Variants in ERG observed in about 807,000 individuals in gnomAD.
ERG encodes the protein ETS transcription factor ERG.
Under a neutral mutation model 55.3 loss-of-function variants are expected in ERG, and 9 were observed. The ratio of observed to expected loss-of-function variants is 0.16; its 90% CI spans 0.10 to 0.28. ERG has a LOEUF of 0.28. ERG is among the 10% of genes least tolerant of loss of function. The probability of loss-of-function intolerance (pLI) is 1.00; values close to 1 mark genes in which losing one functional copy is unlikely to be tolerated. For synonymous variants in ERG, 223 were observed against 237.3 expected (o/e 0.94, Z 0.55); for missense variants, 434 against 631.6 (o/e 0.69, Z 3.35).
rs71330332 is a variant in ERG at position 38,518,236 on chromosome 21, GTATCTATCTATCTATCTATCTATC to G, written c.-41+57402_-41+57425del. Among the ~76,000 whole-genome samples, 26 of 145,474 alleles carry G rather than the reference GTATCTATCTATCTATCTATCTATC, an allele frequency of 1.8e-4. 1 individual carries two copies. Among genetic ancestry groups the G allele is most frequent in the Admixed American group, 2.8e-4 (4 of 14,412 alleles). On this transcript the variant is annotated intron_variant, in intron 2 of 8. Coordinates refer to the ERG transcript ENST00000398897. ...GTACCCCATAACTATGTGTGTGTGT[GTATCTATCTATCTATCTATCTATC>G]TATCTATCTATCTATCTATCTATCT...
At chr21:38,379,121 A>C (rs1034524228), downstream of ERG, among the ~76,000 whole-genome samples, 10 of 152,156 alleles carry the variant, frequency 6.6e-5, no homozygotes, top group Non-Finnish European at 1.5e-4. Flanking sequence ...TGGAGGTCCT[A>C]ACACCTTCAA....
intron 1 of ERG, among the ~76,000 whole-genome samples, chr21:38,653,356 G>T (rs1279046853): frequency 6.6e-6 from 1 of 152,118 alleles, no homozygotes; most frequent in Non-Finnish European, 1.5e-5. Context: ...CCAGGATCCG[G>T]AGCACCCCCT....
intron 2 of ERG, among the ~76,000 whole-genome samples, chr21:38,529,277 G>A (rs537923164): frequency 3.2e-4 from 48 of 152,302 alleles, no homozygotes; most frequent in African/African-American, 9.9e-4. Context: ...GCCAAGAGGA[G>A]AGGCAGGGAG....
chr21:38,477,043 C>T lies in ERG; in HGVS notation c.18+21320G>A, dbSNP rs9984495. On this transcript the variant is annotated intron_variant, in intron 1 of 9. Transcript: ENST00000288319. ...TTTTTTTTTTTTTGAGACAGAGTCTCACTCTGTCGCCCAGGCTGGATTGCA... is the reference window on the plus strand; with the variant it reads ...TTTTTTTTTTTTTGAGACAGAGTCTTACTCTGTCGCCCAGGCTGGATTGCA... Among the ~76,000 whole-genome samples, 3 of 114,192 alleles carry T rather than the reference C, an allele frequency of 2.6e-5. No homozygotes were observed. The East Asian group carries it at 8.6e-4, about 33-fold the overall frequency. The allele number at this position is 114,192 out of a possible 152,430, so 74.9% of individuals were successfully genotyped here.
intron 1 of ERG, among the ~76,000 whole-genome samples, chr21:38,592,412 T>C (rs1164236140): frequency 6.6e-6 from 1 of 152,176 alleles, no homozygotes; most frequent in South Asian, 2.1e-4. Flanking sequence ...TCCTAGGCGC[T>C]GAGACCCTGT....
chr21:38,644,896 C>T (rs970855582), intron 1 of ERG, among the ~76,000 whole-genome samples: 9 of 152,160 alleles, frequency 5.9e-5, no homozygotes, highest in African/African-American at 9.7e-5. Flanking sequence ...GCAGCTGATG[C>T]CTGTAATCCT....
chr21:38,422,272 C>T (rs573226311), intron 3 of ERG, among the ~76,000 whole-genome samples: 189 of 152,306 alleles, frequency 1.2e-3, no homozygotes, highest in African/African-American at 3.9e-3. Context: ...GAGGCAGGAC[C>T]GCAGGGTGAC....
intron 6 of ERG, among the ~76,000 whole-genome samples, chr21:38,393,487 C>T (rs901859529): frequency 2.6e-5 from 4 of 152,210 alleles, no homozygotes; most frequent in Non-Finnish European, 5.9e-5. Context: ...AAGTGAAGGC[C>T]ATGGCCAAAT....
intron 9 of ERG, among the ~76,000 whole-genome samples, chr21:38,384,194 G>T (rs1261656207): frequency 6.6e-6 from 1 of 152,224 alleles, no homozygotes; most frequent in Non-Finnish European, 1.5e-5. Flanking sequence ...GGTACCACGG[G>T]CCGGCCCCCT....
chr21:38,594,730 G>A (rs1437341391), intron 1 of ERG, among the ~76,000 whole-genome samples: 1 of 152,194 alleles, frequency 6.6e-6, no homozygotes, highest in East Asian at 1.9e-4. Flanking sequence ...GGACGTCAGA[G>A]AGGAAGGCAA....
chr21:38,469,319 C>T (rs1326912198), intron 1 of ERG, among the ~76,000 whole-genome samples: 3 of 152,174 alleles, frequency 2.0e-5, no homozygotes, highest in Non-Finnish European at 4.4e-5. Flanking sequence ...AAAATTTAAA[C>T]GCCTCTTACA....
intron 1 of ERG, chr21:38,471,453 C>T (rs2059138507): frequency 6.6e-6 from 1 of 152,202 alleles, no homozygotes; most frequent in Non-Finnish European, 1.5e-5. Context: ...CATCAAAGAA[C>T]GACAAACCAC....
intron 3 of ERG, among the ~76,000 whole-genome samples, chr21:38,405,000 T>C (rs1476885672): frequency 6.6e-6 from 1 of 152,122 alleles, no homozygotes; most frequent in Non-Finnish European, 1.5e-5. Flanking sequence ...TCCCTCTTCC[T>C]TCCTTCGCTT....
intron 2 of ERG, among the ~76,000 whole-genome samples, chr21:38,558,222 G>C (rs973484545): frequency 6.6e-6 from 1 of 152,058 alleles, no homozygotes; most frequent in Non-Finnish European, 1.5e-5. Flanking sequence ...ATGACAGCAG[G>C]AGAAATGGAC....
chr21:38,375,385 C>T (rs1200774061), downstream of ERG, among the ~76,000 whole-genome samples: 1 of 152,146 alleles, frequency 6.6e-6, no homozygotes, highest in African/African-American at 2.4e-5. Flanking sequence ...TGTACATTTT[C>T]CCTTTCTAGA....
intron 1 of ERG, among the ~76,000 whole-genome samples, chr21:38,599,787 G>A (rs991835857): frequency 3.3e-5 from 5 of 152,244 alleles, no homozygotes; most frequent in African/African-American, 4.8e-5. Flanking sequence ...AGGAGACTCG[G>A]AACAGGGACA....
At position 38,460,101 on chromosome 21, in the gene ERG, C is replaced by G. The variant is rs1390747691; in HGVS notation, c.19-14480G>C. ...GGAGGGGAGGGTGTGAGCCCCCATG[C>G]ATTCATGAAGAATAGGCCTTCCAGC... On this transcript the variant is annotated intron_variant, in intron 1 of 9. Coordinates refer to ENST00000288319, the MANE Select transcript of ERG (RefSeq NM_182918.4). The surrounding 1 kb of genome is among the most constrained non-coding windows in gnomAD (Gnocchi z 5.0). 2.0e-5 allele frequency among the ~76,000 whole-genome samples: 3 copies of G among 152,266 alleles called. No homozygotes were observed. The East Asian group carries it at 5.8e-4, about 29-fold the overall frequency.
intron 1 of ERG, among the ~76,000 whole-genome samples, chr21:38,618,892 G>GA (rs1445728605): frequency 1.3e-5 from 2 of 152,178 alleles, no homozygotes; most frequent in Non-Finnish European, 2.9e-5. Flanking sequence ...GGGTTGCTAG[G>GA]AAAACTAAGC....
At chr21:38,413,655 C>G (rs895060065) in intron 3 of ERG, among the ~76,000 whole-genome samples, 3 of 152,176 alleles carry the variant, frequency 2.0e-5, no homozygotes, top group African/African-American at 7.2e-5. Context: ...ATTTATTTCT[C>G]TGGATGAAAC....
Sources: gnomAD v4.1 joint callset for allele counts (sites outside exome capture counted in the v4.1 genomes callset) on GRCh38, gnomAD v4.1.1 for gene constraint, Gnocchi (gnomAD v3.1) non-coding constraint, MANE v1.5 for transcripts, NCBI Gene and HGNC (gene_info 2026-07-23, HGNC 2026-07-21) for gene names.